The following NEFM variants were observed in gnomAD, a reference collection of about 807,000 sequenced individuals.
NEFM encodes the protein neurofilament medium polypeptide.
Under a neutral mutation model 48.1 loss-of-function variants are expected in NEFM, and 16 were observed. The observed-to-expected ratio is 0.33, with a 90% CI of 0.23 to 0.51. The LOEUF is 0.51. NEFM is among the 20% of genes least tolerant of loss of function. NEFM has a pLI of 0.98. For missense variants in NEFM, 1,107 were observed against 1,136.0 expected, an observed-to-expected ratio of 0.97 and a Z score of 0.37; for synonymous variants, 465 against 456.9, an observed-to-expected ratio of 1.02 and a Z score of -0.23.
intron 1 of NEFM, 106 bp downstream of exon 1, chr8:24,914,979 C>T: frequency 7.0e-7 from 1 of 1,424,350 alleles, no homozygotes; most frequent in Non-Finnish European, 9.1e-7. Context: ...CCCTGGTGGC[C>T]GCTCGCTAGA....
chr8:24,914,669 C>T lies in NEFM; in HGVS notation c.876C>T (p.Phe292=). ...DQNMHQAEEW[F]KCRYAKLTEA... is the part of the protein sequence containing the mutation. ...ATATGCACCAGGCCGAAGAGTGGTT[C>T]AAATGCCGCTACGCCAAGCTCACCG... The change falls in exon 1 of 3, where the codon TTC becomes TTT. Residue 292 remains phenylalanine, a synonymous_variant. Transcript: ENST00000221166. 6.2e-7 allele frequency: 1 copy of T among 1,614,198 alleles called. No homozygotes were observed. Among genetic ancestry groups the T allele is most frequent in the Non-Finnish European group, 8.5e-7 (1 of 1,180,042 alleles).
At chr8:24,915,937 G>C (rs1802567108) in intron 2 of NEFM, among the ~76,000 whole-genome samples, 1 of 152,212 alleles carries the variant, frequency 6.6e-6, no homozygotes, top group Non-Finnish European at 1.5e-5. Flanking sequence ...ATGAATACTA[G>C]TAGAAACAAA....
chr8:24,915,394 T>G, intron 1 of NEFM: 1 of 1,053,510 alleles, frequency 9.5e-7, no homozygotes, highest in African/African-American at 1.6e-5. Context: ...AAGTGTCCTA[T>G]TGTCTTACTG....
Position 24,917,129 on chromosome 8 carries a change from C to T in NEFM, c.1274C>T (p.Thr425Ile), listed in dbSNP as rs578112155. Residue 425 changes from threonine to isoleucine, a missense_variant, in exon 3 of 3, where the codon ACA (threonine) becomes ATA (isoleucine). By Grantham distance (89) the Thr-to-Ile change is moderately conservative. Around this residue, in one of 3 missense-constraint regions of NEFM, gnomAD observed 917 missense variants for 916.4 expected, o/e 1.00. Transcript: ENST00000221166. ...FAGSITGPLYTHRPPITISSK... is the reference protein window; with the variant it reads ...FAGSITGPLYIHRPPITISSK... ...GGAAGCATCACTGGGCCACTGTATA[C>T]ACACCGACCCCCAATCACAATATCC... is the stretch of plus-strand genomic sequence containing the variant. 167 of 1,614,122 alleles carry T rather than the reference C, an allele frequency of 1.0e-4. 1 individual carries two copies. The South Asian group carries it at 1.7e-3, about 16-fold the overall frequency.
intron 2 of NEFM, 21 bp downstream of exon 2, chr8:24,915,750 G>A (rs1802563764): frequency 1.2e-6 from 2 of 1,613,916 alleles, no homozygotes; most frequent in African/African-American, 2.7e-5. Flanking sequence ...TACTACGTGC[G>A]TGGCCGGAAC....
intron 1 of NEFM, chr8:24,915,398 C>A (rs1325710771): frequency 1.9e-6 from 2 of 1,037,732 alleles, no homozygotes; most frequent in Non-Finnish European, 2.7e-6. Flanking sequence ...GTCCTATTGT[C>A]TTACTGATCT....
Position 24,914,816 on chromosome 8 carries a change from G to A in NEFM, c.1023G>A (p.Leu341=). 2 of 1,602,844 alleles carry A rather than the reference G, an allele frequency of 1.2e-6. No homozygotes were observed. The highest frequency in any genetic ancestry group is 1.7e-6 in the Non-Finnish European group (2 of 1,175,552). Residue 341 remains leucine, a synonymous_variant, in exon 1 of 3, where the codon CTG becomes CTA. Coordinates refer to ENST00000221166, the MANE Select transcript of NEFM (RefSeq NM_005382.2). ...CGGTGCGCGGCACCAAGGAGTCCCT[G>A]GAGCGGCAGCTCAGCGACATCGAGG... ...LESVRGTKES[L]ERQLSDIEER...
chr8:24,918,569 C>G lies in NEFM; in HGVS notation c.2714C>G (p.Ser905Ter). ...ACTAAAAAGGTAGAAAAAGTCACTTCACACGCCATAGTAAAGGAAGTCACC... is the reference window on the plus strand; with the variant it reads ...ACTAAAAAGGTAGAAAAAGTCACTTGACACGCCATAGTAAAGGAAGTCACC... ...VSTKKVEKVT[S>*]HAIVKEVTQS... Residue 905 changes from serine (S) to a stop codon, truncating the protein, a stop_gained, in exon 3 of 3, where the codon TCA (serine) becomes TGA (stop). Transcript: ENST00000221166. LOFTEE classifies it high-confidence loss of function. 1 of 1,612,944 alleles carries G rather than the reference C, an allele frequency of 6.2e-7. No homozygotes were observed. The highest frequency in any genetic ancestry group is 1.3e-5 in the African/African-American group (1 of 75,020).
intron 1 of NEFM, 100 bp from the exon 2 acceptor site, chr8:24,915,505 G>C: frequency 1.9e-6 from 3 of 1,564,318 alleles, no homozygotes; most frequent in Non-Finnish European, 2.6e-6. Flanking sequence ...GAAGTGGAGG[G>C]AGACGGGAGG....
intron 1 of NEFM, chr8:24,915,391 C>A: frequency 9.4e-7 from 1 of 1,060,138 alleles, no homozygotes; most frequent in Non-Finnish European, 1.3e-6. Context: ...AGGAAGTGTC[C>A]TATTGTCTTA....
chr8:24,915,484 C>G, intron 1 of NEFM, 121 bp from the exon 2 acceptor site: 2 of 1,480,992 alleles, frequency 1.4e-6, no homozygotes, highest in Admixed American at 1.7e-5. Context: ...CAGGTGTCAG[C>G]GAGGTTTGCA....
rs962469644 is a variant in NEFM, at chr8:24,915,124, T to C, written c.1080+251T>C. On this transcript the variant is annotated intron_variant, in intron 1 of 2. Coordinates refer to ENST00000221166, the MANE Select transcript of NEFM (RefSeq NM_005382.2). ...TTCAGAAACGTGCATCTTTTCCAGT[T>C]CTAATTTTGCACGCTTGCACGTTTA... The C allele has an allele frequency of 2.1e-5, 28 of 1,353,974 alleles. No individual in the cohort carries two copies. In the African/African-American group the frequency reaches 4.2e-4, roughly 20 times the overall value. 83.9% of individuals were successfully genotyped at this position (1,353,974 alleles called of 1,614,324 possible). A position where few individuals can be genotyped will look rare whatever the true frequency, so the allele number is the denominator to read the frequency against.
Position 24,917,865 on chromosome 8 carries a change from A to G in NEFM, c.2010A>G (p.Ser670=), listed in dbSNP as rs763539304. The G allele has an allele frequency of 3.5e-5, 57 of 1,613,684 alleles. No homozygotes were observed. Among genetic ancestry groups the G allele is most frequent in the African/African-American group, 5.3e-5 (4 of 74,864 alleles). ...AAGAGAAAGGCAAGTCTCCTGTGTC[A>G]AAATCACCAGTGGAAGAGAAAGCCA... is the stretch of plus-strand genomic sequence containing the variant. ...PVEEKGKSPV[S]KSPVEEKAKS... The change falls in exon 3 of 3, where the codon TCA becomes TCG. Residue 670 remains serine, a synonymous_variant. Transcript: ENST00000221166.
rs771431485 is a variant in NEFM at position 24,914,363 on chromosome 8, G to A, written c.570G>A (p.Glu190=). 1.1e-5 allele frequency: 18 copies of A among 1,613,668 alleles called. No individual in the cohort carries two copies. Among genetic ancestry groups the A allele is most frequent in the Non-Finnish European group, 1.4e-5 (17 of 1,179,978 alleles). Residue 190 remains glutamate (E), a synonymous_variant, in exon 1 of 3, where the codon GAG becomes GAA. Transcript: ENST00000221166. ...TCCACCGGCTCAAGGAGCGCTTTGAGGAGGAGGCGCGGTTGCGCGACGACA... is the reference window on the plus strand; with the variant it reads ...TCCACCGGCTCAAGGAGCGCTTTGAAGAGGAGGCGCGGTTGCGCGACGACA... The part of the protein sequence containing the change: ...EDIHRLKERF[E]EEARLRDDTE...
chr8:24,915,558 G>A (rs753109080), intron 1 of NEFM, 47 bp from the exon 2 acceptor site: 1 of 1,612,094 alleles, frequency 6.2e-7, no homozygotes, highest in East Asian at 2.2e-5. Context: ...GAAGGAAGTT[G>A]CTGTTTGCAA....
Position 24,917,472 on chromosome 8 carries a change from A to T in NEFM, c.1617A>T (p.Glu539Asp). The change falls in exon 3 of 3, where the codon GAA (glutamate) becomes GAT (aspartate). Residue 539 changes from glutamate (E) to aspartate (D), a missense_variant. Glu to Asp is a conservative substitution (Grantham distance 45, BLOSUM62 2). Transcript: ENST00000221166. Reference protein sequence around the residue: ...EEEGQEEEEEEDEGAKSDQAE... With the variant: ...EEEGQEEEEEDDEGAKSDQAE... ...AAGGCCAGGAAGAAGAGGAGGAAGA[A>T]GATGAGGGAGCTAAGTCAGACCAAG... The T allele has an allele frequency of 6.4e-7, 1 of 1,555,128 alleles. No homozygotes were observed.
At chr8:24,915,455 G>T in intron 1 of NEFM, 150 bp from the exon 2 acceptor site, 1 of 1,274,556 alleles carries the variant, frequency 7.8e-7, no homozygotes, top group Non-Finnish European at 1.1e-6. Context: ...AAAAGGGGGT[G>T]GGACGGGGGG....
intron 1 of NEFM, 172 bp downstream of exon 1, chr8:24,915,045 C>T: frequency 1.4e-6 from 2 of 1,384,476 alleles, no homozygotes; most frequent in Non-Finnish European, 1.9e-6. Flanking sequence ...CCCATCTCAT[C>T]CTCCACACTC....
chr8:24,919,083 T>C lies in NEFM; in HGVS notation c.*477T>C, dbSNP rs1382429547. The C allele has an allele frequency of 1.9e-5, 3 of 160,280 alleles. No individual in the cohort carries two copies. The highest frequency in any genetic ancestry group is 7.2e-5 in the African/African-American group (3 of 41,612). The allele number at this position is 160,280 out of a possible 1,614,324, so 9.9% of individuals were successfully genotyped here. ...CAGTACTTGCTCAATAAAGGTCATA[T>C]TGGAAACATAGTCAATTGCTGAGTC... On this transcript the variant is annotated 3_prime_UTR_variant, in exon 3 of 3. Transcript: ENST00000221166.
Sources: gnomAD v4.1 joint callset for allele counts (sites outside exome capture counted in the v4.1 genomes callset) on GRCh38, gnomAD v4.1.1 for gene constraint, gnomAD v4.1.1 regional missense constraint, MANE v1.5 for transcripts, NCBI Gene and HGNC (gene_info 2026-07-23, HGNC 2026-07-21) for gene names.